The following PXDNL variants were observed in gnomAD, a reference collection of about 807,000 sequenced individuals.
The protein encoded by PXDNL is peroxidasin like.
PXDNL carries 145 observed loss-of-function variants against 150.8 expected under a neutral mutation model. The ratio of observed to expected loss-of-function variants is 0.96; its 90% CI spans 0.84 to 1.10. The LOEUF is 1.10. PXDNL is among the 50% of genes least tolerant of loss of function. PXDNL has a pLI of 0.00. For synonymous variants in PXDNL, 757 were observed against 725.7 expected (o/e 1.04, Z -0.69); for missense variants, 2,087 against 1,873.9 (o/e 1.11, Z -2.10).
chr8:51,608,808 G>A (rs534806855), intron 2 of PXDNL, among the ~76,000 whole-genome samples: 39 of 123,962 alleles, frequency 3.1e-4, no homozygotes, highest in Non-Finnish European at 5.5e-4. Flanking sequence ...CTGCACTCCA[G>A]CCTAGGTGAC....
chr8:51,344,427 C>T (rs1014843187), intron 20 of PXDNL, among the ~76,000 whole-genome samples: 15 of 152,104 alleles, frequency 9.9e-5, no homozygotes, highest in African/African-American at 3.6e-4. Flanking sequence ...TACCATTCTC[C>T]AAACACACCT....
rs1810898357 is a variant in PXDNL, at chr8:51,491,644, C to G, written c.453-7930G>C. 3.3e-5 allele frequency among the ~76,000 whole-genome samples: 5 copies of G among 152,178 alleles called. No individual in the cohort carries two copies. In the South Asian group the frequency reaches 8.3e-4, roughly 25 times the overall value. On this transcript the variant is annotated intron_variant, in intron 5 of 22. Transcript: ENST00000356297. ...GCCAGGGCTTCCACACCTCCCCAGG[C>G]AGCAGGACTCTCCCCTTCCCATCTT...
intron 1 of PXDNL, among the ~76,000 whole-genome samples, chr8:51,788,006 T>C (rs1187565086): frequency 6.6e-6 from 1 of 152,226 alleles, no homozygotes; most frequent in Non-Finnish European, 1.5e-5. Context: ...AAGGCTCCAA[T>C]GATCATCAGC....
intron 12 of PXDNL, among the ~76,000 whole-genome samples, chr8:51,435,405 T>G (rs1338706991): frequency 1.3e-5 from 2 of 151,846 alleles, no homozygotes; most frequent in African/African-American, 4.8e-5. Flanking sequence ...TGCAACATAT[T>G]TGGAAGAGAA....
chr8:51,706,006 G>A (rs1205004731), intron 1 of PXDNL, among the ~76,000 whole-genome samples: 6 of 152,166 alleles, frequency 3.9e-5, no homozygotes, highest in Non-Finnish European at 7.4e-5. Flanking sequence ...CAGAAGGCAC[G>A]AAGATGAAAA....
intron 3 of PXDNL, among the ~76,000 whole-genome samples, chr8:51,590,678 T>C (rs1813425459): frequency 6.6e-6 from 1 of 152,234 alleles, no homozygotes; most frequent in African/African-American, 2.4e-5. Flanking sequence ...AATGGGAATG[T>C]CTATCACATG....
In PXDNL at chr8:51,447,581, GA is replaced by G. The variant is rs1809704566; in HGVS notation, c.1367-420del. On this transcript the variant is annotated intron_variant, in intron 11 of 22. Transcript: ENST00000356297. The stretch of plus-strand genomic sequence containing the variant: ...GTGATTAAAATACATTTAAAATGCA[GA>G]GGCAGCATATCGAAAATGGTGATTT... Among the ~76,000 whole-genome samples the G allele has an allele frequency of 3.3e-5, 5 of 152,306 alleles. No homozygotes were observed. In the South Asian group the frequency reaches 1.0e-3, roughly 32 times the overall value.
At chr8:51,698,119 T>C (rs1251626959) in intron 1 of PXDNL, among the ~76,000 whole-genome samples, 1 of 152,196 alleles carries the variant, frequency 6.6e-6, no homozygotes, top group Non-Finnish European at 1.5e-5. Context: ...ATCAGGGTGG[T>C]AGTTGCTGAA....
chr8:51,564,634 GAC>G (rs535844652), intron 3 of PXDNL, among the ~76,000 whole-genome samples: 103 of 151,526 alleles, frequency 6.8e-4, no homozygotes, highest in South Asian at 6.7e-3. Context: ...AAGAGAAAAT[GAC>G]AGAGACACAA....
intron 14 of PXDNL, among the ~76,000 whole-genome samples, chr8:51,418,368 C>A (rs1808857068): frequency 6.6e-6 from 1 of 152,080 alleles, no homozygotes; most frequent in African/African-American, 2.4e-5. Context: ...AGTAAAATAG[C>A]AATTTAAAAC....
At chr8:51,732,508 G>A (rs1433375589) in intron 1 of PXDNL, among the ~76,000 whole-genome samples, 2 of 152,104 alleles carry the variant, frequency 1.3e-5, no homozygotes, top group African/African-American at 4.8e-5. Flanking sequence ...ATCTCTGCCT[G>A]TTACCCAGTT....
At chr8:51,561,369 G>A (rs1157170468) in intron 3 of PXDNL, among the ~76,000 whole-genome samples, 1 of 151,816 alleles carries the variant, frequency 6.6e-6, no homozygotes, top group East Asian at 1.9e-4. Flanking sequence ...ATTGGAGAGT[G>A]AATAGAAAAA....
chr8:51,674,435 G>C (rs1231933615), intron 1 of PXDNL, among the ~76,000 whole-genome samples: 3 of 152,228 alleles, frequency 2.0e-5, no homozygotes, highest in Non-Finnish European at 2.9e-5. Flanking sequence ...TAGATGTCAT[G>C]AATTTGGAAA....
At chr8:51,325,219 T>A (rs1037886263) in intron 21 of PXDNL, among the ~76,000 whole-genome samples, 1 of 152,218 alleles carries the variant, frequency 6.6e-6, no homozygotes, top group African/African-American at 2.4e-5. Context: ...CACTTCAGTG[T>A]TGATTGCCTG....
intron 1 of PXDNL, among the ~76,000 whole-genome samples, chr8:51,711,976 G>C (rs1307453069): frequency 6.6e-6 from 1 of 152,202 alleles, no homozygotes; most frequent in African/African-American, 2.4e-5. Flanking sequence ...TTTTACTCTG[G>C]TACTGCAGCC....
intron 19 of PXDNL, among the ~76,000 whole-genome samples, chr8:51,367,227 C>T (rs1344131048): frequency 6.6e-6 from 1 of 150,756 alleles, no homozygotes; most frequent in Non-Finnish European, 1.5e-5. Flanking sequence ...CCATTGTTAA[C>T]ACACAGCATT....
chr8:51,535,239 G>A lies in PXDNL; in HGVS notation c.380+21601C>T, dbSNP rs1400905194. ...GTGTGCCCAGCGGCTCATTGGGGATGGGCCATGATGACAATGGCGGTTTTG... is the reference window on the plus strand; with the variant it reads ...GTGTGCCCAGCGGCTCATTGGGGATAGGCCATGATGACAATGGCGGTTTTG... On this transcript the variant is annotated intron_variant, in intron 4 of 22. Transcript: ENST00000356297. Among the ~76,000 whole-genome samples the A allele has an allele frequency of 6.1e-5, 8 of 132,104 alleles. 1 individual carries two copies. Among genetic ancestry groups the A allele is most frequent in the African/African-American group, 2.1e-4 (6 of 28,498 alleles). 86.7% of individuals were successfully genotyped at this position (132,104 alleles called of 152,430 possible). A position where few individuals can be genotyped will look rare whatever the true frequency, so the allele number is the denominator to read the frequency against.
intron 1 of PXDNL, among the ~76,000 whole-genome samples, chr8:51,682,296 G>A (rs927897221): frequency 2.6e-5 from 4 of 152,148 alleles, no homozygotes; most frequent in African/African-American, 9.7e-5. Flanking sequence ...GGATATGTTT[G>A]CTACTGTGGG....
intron 1 of PXDNL, among the ~76,000 whole-genome samples, chr8:51,771,859 C>T (rs1168249022): frequency 1.3e-5 from 2 of 152,172 alleles, no homozygotes; most frequent in East Asian, 3.9e-4. Context: ...ACCTCAGCTA[C>T]TGGTCCACAC....
Sources: allele counts gnomAD v4.1 joint callset (sites outside exome capture counted in the v4.1 genomes callset), GRCh38; gene constraint gnomAD v4.1.1; transcripts MANE v1.5; gene names NCBI Gene and HGNC (gene_info 2026-07-23, HGNC 2026-07-21).